Variants in PGM5 observed in about 807,000 individuals in gnomAD.
PGM5 encodes the protein phosphoglucomutase 5, also known as phosphoglucomutase-like protein 5.
A neutral mutation model predicts 59.2 loss-of-function variants in PGM5; 23 were observed. That is an observed-to-expected ratio of 0.39 (90% CI 0.28 to 0.55). The LOEUF is 0.55. Ranked by LOEUF, PGM5 falls within the 20% of genes least tolerant of loss-of-function variation. The pLI is 0.66. For synonymous variants in PGM5, 214 were observed against 286.0 expected, an observed-to-expected ratio of 0.75 and a Z score of 2.54; for missense variants, 574 against 748.3, an observed-to-expected ratio of 0.77 and a Z score of 2.72.
chr9:68,388,235 G>A (rs569554190), intron 4 of PGM5, among the ~76,000 whole-genome samples: 97 of 141,128 alleles, frequency 6.9e-4, no homozygotes, highest in Admixed American at 5.1e-3. Flanking sequence ...ACACTGCTGA[G>A]CCATGCAATA....
In PGM5 at chr9:68,465,172, C is replaced by G; in HGVS notation, c.1123C>G (p.Arg375Gly). The change falls in exon 7 of 11, where the codon CGT becomes GGT. Residue 375 changes from arginine to glycine, a missense_variant. Physicochemically the swap from Arg to Gly is moderately radical, Grantham distance 125. Around this residue, in one of 7 missense-constraint regions of PGM5, gnomAD observed 300 missense variants for 280.0 expected, o/e 1.07. Coordinates refer to ENST00000396396, the MANE Select transcript of PGM5 (RefSeq NM_021965.4). ...CTTCTCAAATCTGATGGACTCAGGA[C>G]GTTGCAATCTGTGTGGGGAAGAGAG... ...RFFSNLMDSG[R>G]CNLCGEESFG... 1 of 1,613,178 alleles carries G rather than the reference C, an allele frequency of 6.2e-7. No homozygotes were observed. The highest frequency in any genetic ancestry group is 8.5e-7 in the Non-Finnish European group (1 of 1,179,196).
intron 9 of PGM5, 23 bp from the exon 10 acceptor site, chr9:68,499,204 A>T: frequency 1.9e-6 from 3 of 1,613,740 alleles, no homozygotes; most frequent in Non-Finnish European, 2.5e-6. Context: ...TCACTGCTCC[A>T]TTCTGGATGT....
At chr9:68,468,204 C>T (rs995607794) in intron 7 of PGM5, among the ~76,000 whole-genome samples, 5 of 152,086 alleles carry the variant, frequency 3.3e-5, no homozygotes, top group Non-Finnish European at 5.9e-5. Flanking sequence ...CAAGAAGACC[C>T]GGTGTCTGTT....
chr9:68,526,919 T>G (rs1036969088), intron 10 of PGM5, among the ~76,000 whole-genome samples: 2 of 152,236 alleles, frequency 1.3e-5, no homozygotes, highest in African/African-American at 4.8e-5. Flanking sequence ...ATTAGTACAA[T>G]AGGCATTAAC....
At chr9:68,489,062 T>G (rs1824344136) in intron 9 of PGM5, among the ~76,000 whole-genome samples, 1 of 152,212 alleles carries the variant, frequency 6.6e-6, no homozygotes, top group Non-Finnish European at 1.5e-5. Context: ...TCCATCATGC[T>G]AGGTGAGCTC....
At position 68,514,850 on chromosome 9, in the gene PGM5, T is replaced by C. The variant is rs554828760; in HGVS notation, c.1615-14717T>C. ...ATGCAGAAAATAACCCAGACAAATGTGCCAAGATCCTTGAAGACTTGTTCC... is the reference window on the plus strand; with the variant it reads ...ATGCAGAAAATAACCCAGACAAATGCGCCAAGATCCTTGAAGACTTGTTCC... On this transcript the variant is annotated intron_variant, in intron 10 of 10. Coordinates refer to ENST00000396396, the MANE Select transcript of PGM5 (RefSeq NM_021965.4). 2.0e-5 allele frequency among the ~76,000 whole-genome samples: 3 copies of C among 152,300 alleles called. No homozygotes were observed. The East Asian group carries it at 5.8e-4, about 29-fold the overall frequency.
In PGM5 at chr9:68,490,569, A is replaced by C. The variant is rs188551572; in HGVS notation, c.1479+6521A>C. ...AGGGTTTCACCATGTTGGTCAGGCT[A>C]GTCTCAAACTCCTGACCTCAGGTGA... On this transcript the variant is annotated intron_variant, in intron 9 of 10. Coordinates refer to ENST00000396396, the MANE Select transcript of PGM5 (RefSeq NM_021965.4). Among the ~76,000 whole-genome samples, 8 of 152,208 alleles carry C rather than the reference A, an allele frequency of 5.3e-5. No homozygotes were observed. The East Asian group carries it at 1.5e-3, about 29-fold the overall frequency.
intron 6 of PGM5, among the ~76,000 whole-genome samples, chr9:68,450,435 G>A (rs538852045): frequency 7.9e-5 from 12 of 152,082 alleles, no homozygotes; most frequent in South Asian, 2.1e-4. Flanking sequence ...AACCTCTTCC[G>A]AAGGTGAATG....
intron 7 of PGM5, among the ~76,000 whole-genome samples, chr9:68,475,799 A>G (rs1824093085): frequency 6.6e-6 from 1 of 152,202 alleles, no homozygotes; most frequent in African/African-American, 2.4e-5. Flanking sequence ...ATTTTGTGCA[A>G]TGATCCTATT....
intron 7 of PGM5, among the ~76,000 whole-genome samples, chr9:68,472,615 C>T (rs893452822): frequency 5.9e-5 from 9 of 152,166 alleles, no homozygotes; most frequent in Admixed American, 3.9e-4. Context: ...GAGGAGCAAA[C>T]CTGATGAATT....
At chr9:68,434,787 C>CAA (rs1197460676) in intron 6 of PGM5, among the ~76,000 whole-genome samples, 2 of 137,624 alleles carry the variant, frequency 1.5e-5, no homozygotes, top group African/African-American at 5.3e-5. Context: ...GACTCCATCT[C>CAA]AAAAAAAAAA....
chr9:68,393,655 G>A (rs1228984187), intron 6 of PGM5, among the ~76,000 whole-genome samples: 1 of 152,070 alleles, frequency 6.6e-6, no homozygotes, highest in Non-Finnish European at 1.5e-5. Flanking sequence ...GATTAGGATA[G>A]GAAGCAACCA....
intron 9 of PGM5, among the ~76,000 whole-genome samples, chr9:68,486,122 C>T (rs1287766989): frequency 4.6e-5 from 7 of 152,246 alleles, no homozygotes; most frequent in African/African-American, 1.7e-4. Flanking sequence ...ATCTGAAAGA[C>T]ATATTTGAAT....
intron 3 of PGM5, among the ~76,000 whole-genome samples, chr9:68,386,282 C>T (rs1164055138): frequency 2.6e-5 from 4 of 151,956 alleles, no homozygotes; most frequent in African/African-American, 9.7e-5. Context: ...CCATTTTAAC[C>T]ATTGTTAGGT....
intron 1 of PGM5, among the ~76,000 whole-genome samples, chr9:68,375,575 C>T (rs1457969535): frequency 3.9e-5 from 6 of 152,310 alleles, no homozygotes; most frequent in Non-Finnish European, 7.3e-5. Context: ...CATTATTCTC[C>T]ATTCATTAAT....
chr9:68,512,760 T>A (rs921619115), intron 10 of PGM5, among the ~76,000 whole-genome samples: 2 of 152,362 alleles, frequency 1.3e-5, no homozygotes, highest in Non-Finnish European at 2.9e-5. Context: ...CCTCAACGTA[T>A]GCACTTATGG....
intron 10 of PGM5, among the ~76,000 whole-genome samples, chr9:68,519,083 CTT>C (rs35275516): frequency 0.18 from 26,795 of 152,110 alleles, 2,341 homozygotes; most frequent in Admixed American, 0.21. Context: ...GCTTAGAACT[CTT>C]AATCTAGTGA....
chr9:68,523,630 G>T (rs185754805), intron 10 of PGM5, among the ~76,000 whole-genome samples: 1 of 152,298 alleles, frequency 6.6e-6, no homozygotes, highest in East Asian at 1.9e-4. Flanking sequence ...TTTTATGGAT[G>T]CCAGAATGTC....
intron 6 of PGM5, among the ~76,000 whole-genome samples, chr9:68,427,624 A>G (rs1823260345): frequency 6.6e-6 from 1 of 152,206 alleles, no homozygotes; most frequent in East Asian, 1.9e-4. Flanking sequence ...TAAACATTAT[A>G]TGCTTTCCAT....
Sources: allele counts gnomAD v4.1 joint callset (sites outside exome capture counted in the v4.1 genomes callset), GRCh38; gene constraint gnomAD v4.1.1; regional missense constraint gnomAD v4.1.1; transcripts MANE v1.5; gene names NCBI Gene and HGNC (gene_info 2026-07-23, HGNC 2026-07-21).